The following MIPOL1 variants were observed in gnomAD, a reference collection of about 807,000 sequenced individuals.
MIPOL1 encodes the protein mirror-image polydactyly 1.
MIPOL1 carries 57 observed loss-of-function variants against 60.9 expected under a neutral mutation model. The observed-to-expected ratio is 0.94, with a 90% CI of 0.76 to 1.17. MIPOL1 has a LOEUF of 1.17. Ranked by LOEUF, MIPOL1 falls within the 50% of genes most tolerant of loss-of-function variation. The pLI is 0.00. For synonymous variants in MIPOL1, 179 were observed against 168.8 expected, an observed-to-expected ratio of 1.06 and a Z score of -0.47; for missense variants, 551 against 511.6, an observed-to-expected ratio of 1.08 and a Z score of -0.74.
At chr14:37,322,150 A>G (rs986901278) in intron 9 of MIPOL1, among the ~76,000 whole-genome samples, 2 of 152,012 alleles carry the variant, frequency 1.3e-5, no homozygotes, top group Non-Finnish European at 1.5e-5. Flanking sequence ...AGCATAGTAT[A>G]TCATTAGATG....
chr14:37,347,517 A>C (rs541638597), intron 9 of MIPOL1, among the ~76,000 whole-genome samples: 14 of 152,198 alleles, frequency 9.2e-5, no homozygotes, highest in African/African-American at 3.4e-4. Context: ...GGCCAATATG[A>C]GTTTCAAAAT....
At chr14:37,532,043 T>C (rs2095482961) in intron 12 of MIPOL1, among the ~76,000 whole-genome samples, 1 of 152,188 alleles carries the variant, frequency 6.6e-6, no homozygotes, top group African/African-American at 2.4e-5. Context: ...TCTGAGTAAA[T>C]TGACAAAGTG....
intron 9 of MIPOL1, among the ~76,000 whole-genome samples, chr14:37,343,850 G>A (rs76368423): frequency 0.015 from 2,331 of 152,122 alleles, 52 homozygotes; most frequent in African/African-American, 0.053. Flanking sequence ...CACTAGCATT[G>A]TAGAATTAGT....
At chr14:37,513,641 A>G (rs1466503667) in intron 12 of MIPOL1, among the ~76,000 whole-genome samples, 1 of 152,158 alleles carries the variant, frequency 6.6e-6, no homozygotes, top group Admixed American at 6.5e-5. Flanking sequence ...CTTTAAACCT[A>G]GACTCTGTAT....
chr14:37,366,246 G>A (rs963555756), intron 9 of MIPOL1, among the ~76,000 whole-genome samples: 1 of 151,568 alleles, frequency 6.6e-6, no homozygotes, highest in Non-Finnish European at 1.5e-5. Flanking sequence ...TGCATTGTTA[G>A]GTTGTTTGTT....
At chr14:37,240,401 G>C (rs770947370) in intron 1 of MIPOL1, 3 of 152,100 alleles carry the variant, frequency 2.0e-5, no homozygotes, top group Non-Finnish European at 4.4e-5. Flanking sequence ...TGTCATTATA[G>C]ATAAATTTAG....
chr14:37,349,384 C>T (rs2091185604), intron 9 of MIPOL1, among the ~76,000 whole-genome samples: 1 of 152,172 alleles, frequency 6.6e-6, no homozygotes, highest in Non-Finnish European at 1.5e-5. Context: ...AACTTTCCAT[C>T]TCACTCAAAG....
intron 11 of MIPOL1, among the ~76,000 whole-genome samples, chr14:37,468,831 G>C (rs2094636646): frequency 6.6e-6 from 1 of 152,146 alleles, no homozygotes; most frequent in Non-Finnish European, 1.5e-5. Context: ...GAGATCCAAA[G>C]GATATGTAGG....
intron 11 of MIPOL1, among the ~76,000 whole-genome samples, chr14:37,440,047 A>G (rs1369472057): frequency 1.3e-5 from 2 of 152,030 alleles, no homozygotes; most frequent in African/African-American, 2.4e-5. Context: ...AGGTCTCACT[A>G]TGTTATCCTA....
intron 9 of MIPOL1, among the ~76,000 whole-genome samples, chr14:37,339,037 A>T (rs182490155): frequency 6.6e-6 from 1 of 152,364 alleles, no homozygotes; most frequent in East Asian, 1.9e-4. Flanking sequence ...AAGAAAATAA[A>T]TTGGCAAGGT....
chr14:37,278,730 T>G (rs2083866207), intron 6 of MIPOL1: 1 of 151,840 alleles, frequency 6.6e-6, no homozygotes, highest in Non-Finnish European at 1.5e-5. Flanking sequence ...GTGTTTAAAC[T>G]AGAATGTTAT....
At chr14:37,332,381 AC>A (rs565994481) in intron 9 of MIPOL1, among the ~76,000 whole-genome samples, 44 of 152,180 alleles carry the variant, frequency 2.9e-4, no homozygotes, top group Admixed American at 5.2e-4. Flanking sequence ...CATATGTGGA[AC>A]CATCCTTGCA....
At chr14:37,265,158 A>G (rs1049619700) in intron 3 of MIPOL1, 3 of 151,938 alleles carry the variant, frequency 2.0e-5, no homozygotes, top group Non-Finnish European at 4.4e-5. Flanking sequence ...TCCTATTTTT[A>G]TAGTCTATTA....
At chr14:37,544,722 C>T (rs796449366) in intron 12 of MIPOL1, among the ~76,000 whole-genome samples, 12 of 152,324 alleles carry the variant, frequency 7.9e-5, no homozygotes, top group African/African-American at 2.9e-4. Context: ...TAATTGACAT[C>T]TTTCTCATTT....
intron 9 of MIPOL1, among the ~76,000 whole-genome samples, chr14:37,335,859 T>C (rs2090065996): frequency 6.6e-6 from 1 of 152,146 alleles, no homozygotes; most frequent in Non-Finnish European, 1.5e-5. Context: ...ATGAATTGTC[T>C]TCTCACTCTC....
intron 6 of MIPOL1, 76 bp downstream of exon 6, chr14:37,270,601 C>G (rs1369981122): frequency 3.4e-6 from 2 of 595,796 alleles, no homozygotes; most frequent in African/African-American, 4.0e-5. Context: ...TTGGTGAATA[C>G]TAGCATACTG....
At chr14:37,277,265 G>A (rs944235808) in intron 6 of MIPOL1, 1 of 151,222 alleles carries the variant, frequency 6.6e-6, no homozygotes, top group Non-Finnish European at 1.5e-5. Context: ...AAGAGGAAAT[G>A]AGATTAGAAA....
intron 6 of MIPOL1, among the ~76,000 whole-genome samples, chr14:37,281,553 C>T (rs2084110458): frequency 6.6e-6 from 1 of 152,094 alleles, no homozygotes; most frequent in Admixed American, 6.6e-5. Context: ...TACTGGCACG[C>T]ACCACTATGC....
chr14:37,369,448 A>C lies in MIPOL1; in HGVS notation c.829-69A>C, dbSNP rs2092576972. On this transcript the variant is annotated intron_variant, in intron 9 of 12. Transcript: ENST00000684589. ...AGAATACAATGATATTATTTACATT[A>C]ATTCATGTGGCTTGGTGAAAAAAAA... 5.6e-6 allele frequency: 6 copies of C among 1,070,972 alleles called. No homozygotes were observed. The South Asian group carries it at 8.4e-5, about 15-fold the overall frequency. 66.3% of individuals were successfully genotyped at this position (1,070,972 alleles called of 1,614,324 possible).
Sources: gnomAD v4.1 joint callset for allele counts (sites outside exome capture counted in the v4.1 genomes callset) on GRCh38, gnomAD v4.1.1 for gene constraint, MANE v1.5 for transcripts, NCBI Gene and HGNC (gene_info 2026-07-23, HGNC 2026-07-21) for gene names.